The following TSHZ2 variants were observed in gnomAD, a reference collection of about 807,000 sequenced individuals.
TSHZ2 encodes the protein teashirt zinc finger homeobox 2, also known as teashirt homolog 2.
TSHZ2 carries 21 observed loss-of-function variants against 74.4 expected under a neutral mutation model. That is an observed-to-expected ratio of 0.28 (90% CI 0.20 to 0.41). The LOEUF (loss-of-function observed/expected upper bound fraction) is 0.41, where lower values mean the gene tolerates loss of function less well. Ranked by LOEUF, TSHZ2 falls within the 10% of genes least tolerant of loss-of-function variation. The pLI is 1.00. For missense variants in TSHZ2, 1,244 were observed against 1,293.5 expected (o/e 0.96, Z 0.59); for synonymous variants, 540 against 515.3 (o/e 1.05, Z -0.65).
At chr20:53,065,270 G>C (rs537928221) in intron 1 of TSHZ2, among the ~76,000 whole-genome samples, 5 of 152,262 alleles carry the variant, frequency 3.3e-5, no homozygotes, top group Middle Eastern at 3.4e-3. Context: ...TATTGTTGTC[G>C]TGGTTGAGAT....
intron 2 of TSHZ2, among the ~76,000 whole-genome samples, chr20:53,414,679 T>C (rs1186181990): frequency 6.6e-6 from 1 of 152,032 alleles, no homozygotes; most frequent in Non-Finnish European, 1.5e-5. Context: ...TTTATTTAAT[T>C]AAAAAATGAA....
rs986969304 is a variant in TSHZ2, at chr20:53,365,109, C to T, written c.*8+108538C>T. ...CCATTACTAAAGATGCCCAACTCTACACTAGTCAAGAAAATCTTTGTCCCT... is the reference window on the plus strand; with the variant it reads ...CCATTACTAAAGATGCCCAACTCTATACTAGTCAAGAAAATCTTTGTCCCT... On this transcript the variant is annotated intron_variant, in intron 2 of 2. Coordinates refer to ENST00000371497, the MANE Select transcript of TSHZ2 (RefSeq NM_173485.6). Among the ~76,000 whole-genome samples the T allele has an allele frequency of 2.0e-5, 3 of 152,238 alleles. No individual in the cohort carries two copies. The South Asian group carries it at 6.2e-4, about 31-fold the overall frequency.
At chr20:53,446,579 A>C (rs1481184933) in intron 2 of TSHZ2, among the ~76,000 whole-genome samples, 5 of 34,274 alleles carry the variant, frequency 1.5e-4, no homozygotes, top group African/African-American at 3.4e-4. Flanking sequence ...ACTCTGTCGC[A>C]AAAAAAAAAA....
chr20:53,485,712 A>AC (rs1423972256), intron 2 of TSHZ2, among the ~76,000 whole-genome samples: 1 of 152,044 alleles, frequency 6.6e-6, no homozygotes, highest in Non-Finnish European at 1.5e-5. Context: ...CCAGCACAAA[A>AC]AAAAAAAGCA....
intron 1 of TSHZ2, among the ~76,000 whole-genome samples, chr20:53,029,773 A>G (rs1387407659): frequency 1.3e-5 from 2 of 152,234 alleles, no homozygotes; most frequent in Non-Finnish European, 2.9e-5. Context: ...TTGCAAACGT[A>G]CAGTATGATC....
intron 1 of TSHZ2, among the ~76,000 whole-genome samples, chr20:53,149,600 G>A (rs1987627735): frequency 6.6e-6 from 1 of 152,162 alleles, no homozygotes; most frequent in Admixed American, 6.6e-5. Context: ...TCAGCTCATG[G>A]TGCCAATGAG....
At chr20:53,363,679 G>A (rs1981151245) in intron 2 of TSHZ2, among the ~76,000 whole-genome samples, 4 of 152,218 alleles carry the variant, frequency 2.6e-5, no homozygotes, top group Admixed American at 2.0e-4. Context: ...TGGGCGTGGT[G>A]GCTCATGCCT....
At chr20:53,084,757 T>A (rs1261132083) in intron 1 of TSHZ2, among the ~76,000 whole-genome samples, 1 of 149,212 alleles carries the variant, frequency 6.7e-6, no homozygotes, top group Non-Finnish European at 1.5e-5. Context: ...GTTAAGCACC[T>A]ATTCTGTATT....
intron 2 of TSHZ2, among the ~76,000 whole-genome samples, chr20:53,485,936 G>A (rs1357066269): frequency 6.6e-6 from 1 of 152,154 alleles, no homozygotes; most frequent in Non-Finnish European, 1.5e-5. Flanking sequence ...CAGTTGAGTG[G>A]CTTTGAGTAC....
At chr20:53,169,707 A>G (rs1185079166) in intron 1 of TSHZ2, among the ~76,000 whole-genome samples, 1 of 152,162 alleles carries the variant, frequency 6.6e-6, no homozygotes, top group Non-Finnish European at 1.5e-5. Flanking sequence ...AACAGAATCC[A>G]GTTTATATCA....
intron 2 of TSHZ2, among the ~76,000 whole-genome samples, chr20:53,275,484 A>G (rs1230124676): frequency 6.6e-6 from 1 of 152,036 alleles, no homozygotes; most frequent in African/African-American, 2.4e-5. Flanking sequence ...GTGGTGCACA[A>G]AAAGGGGGAT....
chr20:53,038,884 T>TTTGTTTG lies in TSHZ2; in HGVS notation c.40+65553_40+65554insGTTTGTT, dbSNP rs5841924. Reference sequence around the variant, plus strand: ...GTTTTTTTTTTGTTTGTTTGTTTTGTTTTGTTTGTTTGTTTGTTTGTTTGT... The same window carrying TTTGTTTG: ...GTTTTTTTTTTGTTTGTTTGTTTTGTTTGTTTGTTTGTTTGTTTGTTTGTTTGTTTGT... On this transcript the variant is annotated intron_variant, in intron 1 of 2. Coordinates refer to ENST00000371497, the MANE Select transcript of TSHZ2 (RefSeq NM_173485.6). 1.6e-3 allele frequency among the ~76,000 whole-genome samples: 227 copies of TTTGTTTG among 144,284 alleles called. 1 individual carries two copies. Among genetic ancestry groups the TTTGTTTG allele is most frequent in the African/African-American group, 5.7e-3 (213 of 37,064 alleles). The allele number at this position is 144,284 out of a possible 152,430, so 94.7% of individuals were successfully genotyped here. A position where few individuals can be genotyped will look rare whatever the true frequency, so the allele number is the denominator to read the frequency against.
intron 2 of TSHZ2, among the ~76,000 whole-genome samples, chr20:53,428,333 A>G (rs1019807160): frequency 6.6e-6 from 1 of 152,210 alleles, no homozygotes; most frequent in African/African-American, 2.4e-5. Context: ...AGTGCCAAGA[A>G]AGGCACTGTG....
chr20:52,987,115 C>G (rs985330789), intron 1 of TSHZ2, among the ~76,000 whole-genome samples: 3 of 152,214 alleles, frequency 2.0e-5, no homozygotes, highest in Non-Finnish European at 4.4e-5. Context: ...AAGGAATCTC[C>G]TCTCCCAGGA....
intron 2 of TSHZ2, among the ~76,000 whole-genome samples, chr20:53,296,406 C>A (rs1161868915): frequency 6.6e-6 from 1 of 152,192 alleles, no homozygotes; most frequent in Non-Finnish European, 1.5e-5. Flanking sequence ...ATTCAATATG[C>A]TGGCAATTTC....
chr20:53,150,114 G>A (rs1399026948), intron 1 of TSHZ2, among the ~76,000 whole-genome samples: 6 of 152,252 alleles, frequency 3.9e-5, no homozygotes, highest in South Asian at 2.1e-4. Flanking sequence ...CTATGAGATC[G>A]CTATTTCTGT....
At chr20:53,292,679 G>A (rs1004905164) in intron 2 of TSHZ2, among the ~76,000 whole-genome samples, 3 of 151,868 alleles carry the variant, frequency 2.0e-5, no homozygotes, top group Non-Finnish European at 4.4e-5. Flanking sequence ...CCACCTTCTG[G>A]CTACAATTTC....
intron 2 of TSHZ2, among the ~76,000 whole-genome samples, chr20:53,473,744 A>G (rs1985903611): frequency 6.6e-6 from 1 of 151,932 alleles, no homozygotes; most frequent in Non-Finnish European, 1.5e-5. Context: ...AAGGCAAAGA[A>G]GTTGAAAACT....
intron 1 of TSHZ2, among the ~76,000 whole-genome samples, chr20:52,988,628 C>T (rs923837032): frequency 6.6e-6 from 1 of 151,712 alleles, no homozygotes; most frequent in Non-Finnish European, 1.5e-5. Context: ...TTATTTAAAT[C>T]CCCAAACACC....
Sources: gnomAD v4.1 joint callset for allele counts (sites outside exome capture counted in the v4.1 genomes callset) on GRCh38, gnomAD v4.1.1 for gene constraint, MANE v1.5 for transcripts, NCBI Gene and HGNC (gene_info 2026-07-23, HGNC 2026-07-21) for gene names.